The following NXN variants were observed in gnomAD, a reference collection of about 807,000 sequenced individuals.
NXN encodes the protein nucleoredoxin 1.
NXN carries 16 observed loss-of-function variants against 48.6 expected under a neutral mutation model. The observed-to-expected ratio is 0.33, with a 90% CI of 0.22 to 0.50. NXN has a LOEUF of 0.50. Among genes scored for constraint, NXN ranks in the 20% least tolerant of loss-of-function variants. The pLI, the probability that NXN is intolerant of heterozygous loss-of-function variation, is 0.98. For missense variants in NXN, 492 were observed against 605.5 expected (o/e 0.81, Z 1.97); for synonymous variants, 281 against 269.6 (o/e 1.04, Z -0.41).
At chr17:909,098 C>CAAAAAAAAAAAAA (rs59822805) in intron 1 of NXN, among the ~76,000 whole-genome samples, 4 of 117,386 alleles carry the variant, frequency 3.4e-5, no homozygotes, top group East Asian at 2.6e-4. Flanking sequence ...GACTTCGTCT[C>CAAAAAAAAAAAAA]AAAAAAAAAA....
intron 1 of NXN, among the ~76,000 whole-genome samples, chr17:916,823 G>A (rs1014004381): frequency 1.3e-5 from 2 of 152,104 alleles, no homozygotes; most frequent in Admixed American, 6.5e-5. Context: ...ACTTGAACCC[G>A]GGAGGTGGAG....
chr17:933,883 A>G (rs2068878907), intron 1 of NXN, among the ~76,000 whole-genome samples: 1 of 152,188 alleles, frequency 6.6e-6, no homozygotes, highest in Non-Finnish European at 1.5e-5. Flanking sequence ...AAAGTCGTGG[A>G]TTCCAATACA....
intron 4 of NXN, 62 bp downstream of exon 4, chr17:822,295 G>T (rs974589126): frequency 8.1e-7 from 1 of 1,240,242 alleles, no homozygotes; most frequent in Non-Finnish European, 1.2e-6. Flanking sequence ...AAAAAGAAAA[G>T]AAAAAAAATG....
intron 7 of NXN, among the ~76,000 whole-genome samples, chr17:802,711 G>A (rs1047315173): frequency 2.0e-5 from 3 of 152,198 alleles, no homozygotes; most frequent in Admixed American, 6.5e-5. Flanking sequence ...CCCCCGGGCT[G>A]AGCAGGTGAC....
In NXN at chr17:849,651, C is replaced by T. The variant is rs2067902719; in HGVS notation, c.361-23573G>A. Among the ~76,000 whole-genome samples, 1 of 152,210 alleles carries T rather than the reference C, an allele frequency of 6.6e-6. No homozygotes were observed. The highest frequency in any genetic ancestry group is 1.9e-4 in the East Asian group (1 of 5,196). ...CCTCCACGTCCTTGTCCTCTGGCGG[C>T]CAGCTGCCTCATCCCTTTACCTCCG... On this transcript the variant is annotated intron_variant, in intron 1 of 7. Coordinates refer to ENST00000336868, the MANE Select transcript of NXN (RefSeq NM_022463.5). This position sits in a 1 kb window ranked among gnomAD's most constrained non-coding sequence, Gnocchi z 4.2.
intron 1 of NXN, chr17:909,617 C>A (rs2068615914): frequency 6.6e-6 from 1 of 150,734 alleles, no homozygotes; most frequent in South Asian, 2.1e-4. Context: ...CCGCTCACTG[C>A]AACCTCTGCC....
At position 956,272 on chromosome 17, in the gene NXN, G is replaced by C. The variant is rs79522444; in HGVS notation, c.360+23047C>G. Among the ~76,000 whole-genome samples the C allele has an allele frequency of 6.6e-6, 1 of 152,016 alleles. No homozygotes were observed. ...CAAGTATTTACTAATAAGAGGTGTC[G>C]AACGTGTTAAGTAAGAAGGACACAA... is the stretch of plus-strand genomic sequence containing the variant. On this transcript the variant is annotated intron_variant, in intron 1 of 7. Transcript: ENST00000336868. The surrounding 1 kb of genome is among the most constrained non-coding windows in gnomAD (Gnocchi z 4.1).
intron 5 of NXN, among the ~76,000 whole-genome samples, chr17:810,228 TGA>T (rs1399176587): frequency 3.8e-5 from 5 of 133,326 alleles, no homozygotes; most frequent in African/African-American, 1.4e-4. Context: ...CGAGTCCGTG[TGA>T]GTGGCGTGCA....
intron 1 of NXN, among the ~76,000 whole-genome samples, chr17:953,354 GC>G (rs1352359084): frequency 6.6e-6 from 1 of 152,120 alleles, no homozygotes; most frequent in Non-Finnish European, 1.5e-5. Flanking sequence ...GGCGGAGGTT[GC>G]AGTGAGCTGA....
chr17:943,980 G>A (rs1249854037), intron 1 of NXN, among the ~76,000 whole-genome samples: 1 of 152,138 alleles, frequency 6.6e-6, no homozygotes, highest in Non-Finnish European at 1.5e-5. Flanking sequence ...GCTCACGCCT[G>A]TAATCCCAGC....
intron 1 of NXN, among the ~76,000 whole-genome samples, chr17:971,949 T>C (rs983543945): frequency 1.3e-5 from 2 of 151,928 alleles, no homozygotes; most frequent in Non-Finnish European, 2.9e-5. Context: ...GTGGATCACC[T>C]GAGGTCAGGA....
At chr17:966,110 C>G (rs1452726896) in intron 1 of NXN, among the ~76,000 whole-genome samples, 1 of 148,988 alleles carries the variant, frequency 6.7e-6, no homozygotes, top group East Asian at 2.0e-4. Flanking sequence ...GAGCAAAATT[C>G]TGTCTCAAAA....
At chr17:872,384 G>C (rs767399720) in intron 1 of NXN, among the ~76,000 whole-genome samples, 1 of 147,410 alleles carries the variant, frequency 6.8e-6, no homozygotes, top group African/African-American at 2.7e-5. Context: ...AGGAGGGAGA[G>C]AGAGAGAGAA....
At chr17:937,540 C>G (rs1368455936) in intron 1 of NXN, among the ~76,000 whole-genome samples, 2 of 152,190 alleles carry the variant, frequency 1.3e-5, no homozygotes, top group Non-Finnish European at 2.9e-5. Context: ...TCGAGAGGAA[C>G]GCACACTTCT....
intron 1 of NXN, among the ~76,000 whole-genome samples, chr17:936,098 A>AAAAC (rs1428937083): frequency 6.6e-6 from 1 of 151,460 alleles, no homozygotes; most frequent in African/African-American, 2.4e-5. Context: ...TCTCAAAAAA[A>AAAAC]AAAAAAAAAA....
At position 958,694 on chromosome 17, in the gene NXN, G is replaced by A. The variant is rs771526047; in HGVS notation, c.360+20625C>T. 2.6e-4 allele frequency among the ~76,000 whole-genome samples: 40 copies of A among 152,186 alleles called. No homozygotes were observed. Among genetic ancestry groups the A allele is most frequent in the South Asian group, 2.1e-3 (10 of 4,820 alleles). Reference sequence around the variant, plus strand: ...GCTGAGGCAGGAGAATCACCGAGGCGGAGGTAGAAGTGAGCCCAGATTGTG... The same window carrying A: ...GCTGAGGCAGGAGAATCACCGAGGCAGAGGTAGAAGTGAGCCCAGATTGTG... On this transcript the variant is annotated intron_variant, in intron 1 of 7. Coordinates refer to ENST00000336868, the MANE Select transcript of NXN (RefSeq NM_022463.5). The surrounding 1 kb of genome is among the most constrained non-coding windows in gnomAD (Gnocchi z 6.9).
intron 1 of NXN, among the ~76,000 whole-genome samples, chr17:968,635 C>T (rs1057107929): frequency 1.3e-5 from 2 of 152,094 alleles, no homozygotes; most frequent in African/African-American, 4.8e-5. Flanking sequence ...CAATTATTGT[C>T]CTAGAAGGAA....
At chr17:862,465 A>C (rs1009973012) in intron 1 of NXN, among the ~76,000 whole-genome samples, 1 of 152,244 alleles carries the variant, frequency 6.6e-6, no homozygotes, top group Admixed American at 6.5e-5. Flanking sequence ...TAGAGGCTAC[A>C]GCGAGCTATG....
At chr17:848,525 T>A (rs1289519613) in intron 1 of NXN, among the ~76,000 whole-genome samples, 1 of 152,206 alleles carries the variant, frequency 6.6e-6, no homozygotes, top group Non-Finnish European at 1.5e-5. Context: ...TCGTGCCTGG[T>A]CATTAAGAAA....
Sources: gnomAD v4.1 joint callset for allele counts (sites outside exome capture counted in the v4.1 genomes callset) on GRCh38, gnomAD v4.1.1 for gene constraint, Gnocchi (gnomAD v3.1) non-coding constraint, MANE v1.5 for transcripts, NCBI Gene and HGNC (gene_info 2026-07-23, HGNC 2026-07-21) for gene names.